Variants in HOXD13 observed in about 807,000 individuals in gnomAD.
The protein encoded by HOXD13 is homeobox protein Hox-D13.
In HOXD13, 16 loss-of-function variants were observed where a neutral mutation model predicts 27.3. The observed-to-expected ratio is 0.59, with a 90% CI of 0.40 to 0.89. The LOEUF (loss-of-function observed/expected upper bound fraction) is 0.89, where lower values mean the gene tolerates loss of function less well. Ranked by LOEUF, HOXD13 falls within the 40% of genes least tolerant of loss-of-function variation. The pLI is 0.00. For synonymous variants in HOXD13, 241 were observed against 219.0 expected, an observed-to-expected ratio of 1.10 and a Z score of -0.89; for missense variants, 481 against 482.6, an observed-to-expected ratio of 1.00 and a Z score of 0.03.
In HOXD13 at chr2:176,094,731, T is replaced by C. The variant is rs751801650; in HGVS notation, c.*1T>C. ...CAAGCTCAAAGATACTGTCTCCTGATGTGGTCCAGGTTGGCCACAGACAGC... is the reference window on the plus strand; with the variant it reads ...CAAGCTCAAAGATACTGTCTCCTGACGTGGTCCAGGTTGGCCACAGACAGC... On this transcript the variant is annotated 3_prime_UTR_variant, in exon 2 of 2. Coordinates refer to ENST00000392539, the MANE Select transcript of HOXD13 (RefSeq NM_000523.4). The C allele has an allele frequency of 6.2e-7, 1 of 1,614,098 alleles. No individual in the cohort carries two copies. The highest frequency in any genetic ancestry group is 1.6e-4 in the Middle Eastern group (1 of 6,062).
upstream of HOXD13, among the ~76,000 whole-genome samples, chr2:176,088,434 C>T (rs576037431): frequency 1.7e-4 from 26 of 152,324 alleles, no homozygotes; most frequent in African/African-American, 6.0e-4. Context: ...TCGCCTGCCT[C>T]GAGTTCCTGT....
chr2:176,091,740 G>A (rs1203915057), upstream of HOXD13, among the ~76,000 whole-genome samples: 1 of 152,164 alleles, frequency 6.6e-6, no homozygotes, highest in Non-Finnish European at 1.5e-5. Context: ...AAAGGTCCCT[G>A]GGAAAGTGAA....
At position 176,093,061 on chromosome 2, in the gene HOXD13, G is replaced by A. The variant is rs573355705; in HGVS notation, c.171G>A (p.Ala57=). 1 of 1,375,324 alleles carries A rather than the reference G, an allele frequency of 7.3e-7. No homozygotes were observed. The highest frequency in any genetic ancestry group is 9.3e-7 in the Non-Finnish European group (1 of 1,074,922). The allele number at this position is 1,375,324 out of a possible 1,614,324, so 85.2% of individuals were successfully genotyped here. The part of the protein sequence containing the change: ...PVFAGTHSGR[A]AAAAAAAAAA... ...TCGCCGGGACGCATTCGGGGCGGGC[G>A]GCGGCGGCGGCAGCGGCGGCTGCGG... Residue 57 remains alanine, a synonymous_variant, in exon 1 of 2, where the codon GCG becomes GCA. Coordinates refer to ENST00000392539, the MANE Select transcript of HOXD13 (RefSeq NM_000523.4).
At chr2:176,092,230 GACTA>G (rs912469095), upstream of HOXD13, among the ~76,000 whole-genome samples, 2 of 152,184 alleles carry the variant, frequency 1.3e-5, no homozygotes, top group African/African-American at 2.4e-5. Context: ...TCTAGAAGTC[GACTA>G]ACTGAGGGAT....
chr2:176,090,921 C>A (rs1409144218), upstream of HOXD13, among the ~76,000 whole-genome samples: 1 of 152,178 alleles, frequency 6.6e-6, no homozygotes, highest in East Asian at 1.9e-4. Context: ...CTTTTGCCTT[C>A]TTTTCCCAAA....
intron 1 of HOXD13, 97 bp downstream of exon 1, chr2:176,093,768 G>A: frequency 1.3e-6 from 1 of 790,308 alleles, no homozygotes; most frequent in Non-Finnish European, 2.0e-6. Flanking sequence ...GGGAGTGGGA[G>A]TTGTGCCTGT....
Position 176,093,207 on chromosome 2 carries a change from A to T in HOXD13, c.317A>T (p.Glu106Val). Residue 106 changes from glutamate to valine, a missense_variant, in exon 1 of 2, where the codon GAG becomes GTG. Transcript: ENST00000392539. ...CGCCCGGAGGCTCCCCCAGCCAAAG[A>T]GTGCCCAGCACCCACGCCTGCAGCG... ...AARPEAPPAK[E>V]CPAPTPAAAA... 2 of 1,609,672 alleles carry T rather than the reference A, an allele frequency of 1.2e-6. No individual in the cohort carries two copies. Among genetic ancestry groups the T allele is most frequent in the Non-Finnish European group, 1.7e-6 (2 of 1,179,550 alleles).
chr2:176,095,351 T>A lies in HOXD13; in HGVS notation c.*621T>A, dbSNP rs1329064819. The A allele has an allele frequency of 4.4e-6, 1 of 228,252 alleles. No individual in the cohort carries two copies. Among genetic ancestry groups the A allele is most frequent in the Non-Finnish European group, 8.7e-6 (1 of 114,780 alleles). 14.1% of individuals were successfully genotyped at this position (228,252 alleles called of 1,614,324 possible). On this transcript the variant is annotated 3_prime_UTR_variant, in exon 2 of 2. Transcript: ENST00000392539. The stretch of plus-strand genomic sequence containing the variant: ...TGTATCAATATTGAAATGAAGACAA[T>A]CTTTCCAACTTTGGGTGTTTCACTT...
chr2:176,090,351 G>A (rs186609217), upstream of HOXD13, among the ~76,000 whole-genome samples: 393 of 152,282 alleles, frequency 2.6e-3, 3 homozygotes, highest in Middle Eastern at 0.031. Flanking sequence ...GCTCTGAGAG[G>A]GTCCCACAGG....
upstream of HOXD13, among the ~76,000 whole-genome samples, chr2:176,089,156 G>C (rs1169355198): frequency 2.6e-5 from 4 of 152,244 alleles, no homozygotes; most frequent in Admixed American, 2.0e-4. Flanking sequence ...GGCTTCCACT[G>C]TCTAGCTGTT....
rs1444457579 is a variant in HOXD13, at chr2:176,092,846, C to T, written c.-45C>T. 1.7e-6 allele frequency: 2 copies of T among 1,166,956 alleles called. No homozygotes were observed. Among genetic ancestry groups the T allele is most frequent in the Non-Finnish European group, 2.1e-6 (2 of 935,456 alleles). The allele number at this position is 1,166,956 out of a possible 1,614,324, so 72.3% of individuals were successfully genotyped here. On this transcript the variant is annotated 5_prime_UTR_variant, in exon 1 of 2. Coordinates refer to ENST00000392539, the MANE Select transcript of HOXD13 (RefSeq NM_000523.4). ...AGGAGGCGCGCCGCGCCATGGTGTC[C>T]TGCGCGGGGCCAGGGCCAGGGCCGG...
At position 176,093,367 on chromosome 2, in the gene HOXD13, G is replaced by A. The variant is rs2105378743; in HGVS notation, c.477G>A (p.Leu159=). The part of the protein sequence containing the change: ...NALKSSPHAS[L]GGFPVEKYMD... ...TCAAGTCATCGCCGCACGCCTCGCT[G>A]GGAGGCTTTCCCGTGGAGAAGTACA... Residue 159 remains leucine (L), a synonymous_variant, in exon 1 of 2, where the codon CTG becomes CTA. Transcript: ENST00000392539. 6.2e-7 allele frequency: 1 copy of A among 1,613,886 alleles called. No individual in the cohort carries two copies. The highest frequency in any genetic ancestry group is 1.1e-5 in the South Asian group (1 of 91,090).
Position 176,095,611 on chromosome 2 carries a change from A to G in HOXD13, c.*881A>G. The G allele has an allele frequency of 4.4e-6, 1 of 228,050 alleles. No homozygotes were observed. Among genetic ancestry groups the G allele is most frequent in the Non-Finnish European group, 8.7e-6 (1 of 114,650 alleles). 14.1% of individuals were successfully genotyped at this position (228,050 alleles called of 1,614,324 possible). ...GGTCATCTCCTCAATCCTCAAAAAGAGGCTGAATCAATGTGGCCGTGGGTG... is the reference window on the plus strand; with the variant it reads ...GGTCATCTCCTCAATCCTCAAAAAGGGGCTGAATCAATGTGGCCGTGGGTG... On this transcript the variant is annotated 3_prime_UTR_variant, in exon 2 of 2. Coordinates refer to ENST00000392539, the MANE Select transcript of HOXD13 (RefSeq NM_000523.4).
At chr2:176,089,847 A>G (rs1043487798), upstream of HOXD13, among the ~76,000 whole-genome samples, 2 of 152,224 alleles carry the variant, frequency 1.3e-5, no homozygotes, top group East Asian at 3.9e-4. Flanking sequence ...GTTTGGAGAC[A>G]TGTGTAGTCT....
chr2:176,095,840 G>T lies in HOXD13; in HGVS notation c.*1110G>T. On this transcript the variant is annotated 3_prime_UTR_variant, in exon 2 of 2. Coordinates refer to ENST00000392539, the MANE Select transcript of HOXD13 (RefSeq NM_000523.4). ...CAATTGAGAGATTATTTTTGTAAAT[G>T]CAATGTCTGTGAGCTGGGATACATG... 1 of 209,020 alleles carries T rather than the reference G, an allele frequency of 4.8e-6. No individual in the cohort carries two copies. Among genetic ancestry groups the T allele is most frequent in the Non-Finnish European group, 9.7e-6 (1 of 102,812 alleles). 12.9% of individuals were successfully genotyped at this position (209,020 alleles called of 1,614,324 possible).
At chr2:176,088,954 G>A (rs886486781), upstream of HOXD13, among the ~76,000 whole-genome samples, 2 of 152,166 alleles carry the variant, frequency 1.3e-5, no homozygotes, top group African/African-American at 4.8e-5. Context: ...TTCCAAGGCT[G>A]GAGAAGTTCT....
At chr2:176,090,407 G>A (rs764479182), upstream of HOXD13, among the ~76,000 whole-genome samples, 3 of 152,230 alleles carry the variant, frequency 2.0e-5, no homozygotes, top group Non-Finnish European at 4.4e-5. Context: ...TTCAACCTGA[G>A]TAGTAATTCA....
Position 176,094,854 on chromosome 2 carries a change from T to A in HOXD13, c.*124T>A, listed in dbSNP as rs1428295568. 7.3e-6 allele frequency: 6 copies of A among 824,196 alleles called. No individual in the cohort carries two copies. The highest frequency in any genetic ancestry group is 1.2e-5 in the Non-Finnish European group (6 of 488,330). 51.1% of individuals were successfully genotyped at this position (824,196 alleles called of 1,614,324 possible). A position where few individuals can be genotyped will look rare whatever the true frequency, so the allele number is the denominator to read the frequency against. On this transcript the variant is annotated 3_prime_UTR_variant, in exon 2 of 2. Coordinates refer to ENST00000392539, the MANE Select transcript of HOXD13 (RefSeq NM_000523.4). ...TGCCAATGGTGGCAAATTTTGTGAA[T>A]TGTTTTTCTCTCTTCCCCTTATCTG...
At chr2:176,087,986 G>C (rs1201468698), upstream of HOXD13, among the ~76,000 whole-genome samples, 2 of 152,252 alleles carry the variant, frequency 1.3e-5, no homozygotes, top group Non-Finnish European at 2.9e-5. Context: ...CCGAGGGGAG[G>C]GGCGCCGGTA....
Sources: gnomAD v4.1 joint callset for allele counts (sites outside exome capture counted in the v4.1 genomes callset) on GRCh38, gnomAD v4.1.1 for gene constraint, MANE v1.5 for transcripts, NCBI Gene and HGNC (gene_info 2026-07-23, HGNC 2026-07-21) for gene names.